The following GRIA4 variants were observed in gnomAD, a reference collection of about 807,000 sequenced individuals.
The protein encoded by GRIA4 is glutamate ionotropic receptor AMPA type subunit 4.
Under a neutral mutation model 104.0 loss-of-function variants are expected in GRIA4, and 34 were observed. The ratio of observed to expected loss-of-function variants is 0.33; its 90% CI spans 0.25 to 0.44. The LOEUF (loss-of-function observed/expected upper bound fraction) is 0.44, where lower values mean the gene tolerates loss of function less well. Ranked by LOEUF, GRIA4 falls within the 20% of genes least tolerant of loss-of-function variation. The pLI, the probability that GRIA4 is intolerant of heterozygous loss-of-function variation, is 1.00. For synonymous variants in GRIA4, 386 were observed against 381.9 expected, an observed-to-expected ratio of 1.01 and a Z score of -0.13; for missense variants, 750 against 1,096.5, an observed-to-expected ratio of 0.68 and a Z score of 4.46.
At chr11:105,842,371 T>G (rs1944425755) in intron 4 of GRIA4, among the ~76,000 whole-genome samples, 1 of 152,080 alleles carries the variant, frequency 6.6e-6, no homozygotes, top group African/African-American at 2.4e-5. Flanking sequence ...GTGTGACTGC[T>G]ATGATAAGGA....
chr11:105,741,762 C>G (rs1010561445), intron 3 of GRIA4, among the ~76,000 whole-genome samples: 4 of 151,976 alleles, frequency 2.6e-5, no homozygotes, highest in African/African-American at 4.8e-5. Flanking sequence ...GTTTAATTTA[C>G]TTTTATTGTG....
intron 4 of GRIA4, among the ~76,000 whole-genome samples, chr11:105,773,678 T>C (rs1941319692): frequency 6.6e-6 from 1 of 152,054 alleles, no homozygotes; most frequent in Non-Finnish European, 1.5e-5. Context: ...CACCAGCTGC[T>C]GGGGAAACAA....
intron 3 of GRIA4, among the ~76,000 whole-genome samples, chr11:105,722,379 G>T (rs1309612716): frequency 6.6e-6 from 1 of 152,076 alleles, no homozygotes; most frequent in Non-Finnish European, 1.5e-5. Context: ...CTTACAATGG[G>T]GTTATTGGAG....
rs138359628 is a variant in GRIA4, at chr11:105,651,877, A to T, written c.247+39443A>T. ...ATTAATGGGACTCTGTCACTTGCTG[A>T]CCAACACAGTACTTAAGTATTGCTG... On this transcript the variant is annotated intron_variant, in intron 3 of 16. Transcript: ENST00000282499. Among the ~76,000 whole-genome samples, 1,265 of 152,178 alleles carry T rather than the reference A, an allele frequency of 8.3e-3. 9 individuals carry two copies. Among genetic ancestry groups the T allele is most frequent in the Middle Eastern group, 0.014 (4 of 294 alleles).
In GRIA4 at chr11:105,863,008, A is replaced by G. The variant is rs1321529414; in HGVS notation, c.672+800A>G. Among the ~76,000 whole-genome samples the G allele has an allele frequency of 2.6e-5, 4 of 152,320 alleles. No individual in the cohort carries two copies. In the East Asian group the frequency reaches 5.8e-4, roughly 22 times the overall value. On this transcript the variant is annotated intron_variant, in intron 5 of 16. Transcript: ENST00000282499. ...TTAGAAATGCTTGCTCATATTATCT[A>G]CAATACGTTAGTTCAGCCAGACATG...
At chr11:105,669,133 C>T (rs956372155) in intron 3 of GRIA4, among the ~76,000 whole-genome samples, 6 of 151,926 alleles carry the variant, frequency 3.9e-5, no homozygotes, top group African/African-American at 1.2e-4. Flanking sequence ...CTTGTTTCTA[C>T]CACGACTGTC....
intron 14 of GRIA4, chr11:105,965,878 A>T: frequency 1.9e-6 from 2 of 1,072,800 alleles, no homozygotes; most frequent in Non-Finnish European, 2.8e-6. Flanking sequence ...TAAAGAGCTT[A>T]AGTCCTCATT....
intron 16 of GRIA4, among the ~76,000 whole-genome samples, chr11:105,978,503 C>T (rs973619872): frequency 6.6e-6 from 1 of 152,082 alleles, no homozygotes; most frequent in African/African-American, 2.4e-5. Flanking sequence ...AGTAACTGAT[C>T]TGTAAACATT....
intron 3 of GRIA4, among the ~76,000 whole-genome samples, chr11:105,628,281 A>G (rs1465905817): frequency 6.6e-6 from 1 of 152,232 alleles, no homozygotes; most frequent in Non-Finnish European, 1.5e-5. Flanking sequence ...CAGCAAACAC[A>G]TATAGAGTTC....
At chr11:105,853,152 G>C (rs996595169) in intron 4 of GRIA4, among the ~76,000 whole-genome samples, 6 of 152,130 alleles carry the variant, frequency 3.9e-5, no homozygotes, top group Non-Finnish European at 8.8e-5. Context: ...GGACAGCACT[G>C]GCTATCTTGC....
rs1190153399 is a variant in GRIA4, at chr11:105,732,600, T to C, written c.248-20381T>C. On this transcript the variant is annotated intron_variant, in intron 3 of 16. Coordinates refer to ENST00000282499, the MANE Select transcript of GRIA4 (RefSeq NM_000829.4). Reference sequence around the variant, plus strand: ...AGATGTCTTCTTGCTGCTACCACTTTGTGGGGTCACTCCAGTGCCTTCTAT... The same window carrying C: ...AGATGTCTTCTTGCTGCTACCACTTCGTGGGGTCACTCCAGTGCCTTCTAT... 2.6e-5 allele frequency among the ~76,000 whole-genome samples: 4 copies of C among 152,142 alleles called. No individual in the cohort carries two copies. In the East Asian group the frequency reaches 7.7e-4, roughly 29 times the overall value.
intron 4 of GRIA4, among the ~76,000 whole-genome samples, chr11:105,851,620 C>G (rs193177780): frequency 1.3e-5 from 2 of 152,204 alleles, no homozygotes; most frequent in Non-Finnish European, 2.9e-5. Flanking sequence ...GTAGGGCATA[C>G]AGACTCTCTT....
At chr11:105,662,815 G>A (rs1257024604) in intron 3 of GRIA4, among the ~76,000 whole-genome samples, 1 of 151,812 alleles carries the variant, frequency 6.6e-6, no homozygotes, top group South Asian at 2.1e-4. Flanking sequence ...GAGACAGTAA[G>A]TTCCCAGGCT....
intron 11 of GRIA4, among the ~76,000 whole-genome samples, chr11:105,921,306 G>GGGGT (rs758122574): frequency 0.016 from 2,198 of 138,844 alleles, 11 homozygotes; most frequent in Non-Finnish European, 0.021. Flanking sequence ...ACCACACTTG[G>GGGGT]GTGTGTGTGT....
At chr11:105,960,896 C>T (rs1420522662) in intron 14 of GRIA4, among the ~76,000 whole-genome samples, 1 of 152,164 alleles carries the variant, frequency 6.6e-6, no homozygotes, top group Non-Finnish European at 1.5e-5. Context: ...TGTGGGCCAC[C>T]ACACCACAGT....
At chr11:105,731,961 C>T (rs886396440) in intron 3 of GRIA4, among the ~76,000 whole-genome samples, 2 of 151,952 alleles carry the variant, frequency 1.3e-5, no homozygotes, top group Non-Finnish European at 2.9e-5. Context: ...ACCACCATGG[C>T]GCATGTATAC....
chr11:105,707,684 G>C (rs1007243616), intron 3 of GRIA4: 1 of 152,208 alleles, frequency 6.6e-6, no homozygotes, highest in Non-Finnish European at 1.5e-5. Flanking sequence ...GGTGTTGAAA[G>C]ATCATTAATA....
chr11:105,640,013 G>A (rs1264760504), intron 3 of GRIA4, among the ~76,000 whole-genome samples: 3 of 151,772 alleles, frequency 2.0e-5, no homozygotes, highest in Non-Finnish European at 4.4e-5. Flanking sequence ...TTTTAAATCA[G>A]TAATAAATGA....
intron 3 of GRIA4, among the ~76,000 whole-genome samples, chr11:105,698,919 A>T (rs367852401): frequency 2.0e-3 from 1 of 492 alleles, no homozygotes; most frequent in Non-Finnish European, 0.17. Flanking sequence ...GCAGCCACTT[A>T]AGATAGGAAG....
Sources: gnomAD v4.1 joint callset for allele counts (sites outside exome capture counted in the v4.1 genomes callset) on GRCh38, gnomAD v4.1.1 for gene constraint, MANE v1.5 for transcripts, NCBI Gene and HGNC (gene_info 2026-07-23, HGNC 2026-07-21) for gene names.